The following CHRNA4 variants were observed in gnomAD, a reference collection of about 807,000 sequenced individuals.
CHRNA4 encodes cholinergic receptor nicotinic alpha 4 subunit, also known as neuronal acetylcholine receptor subunit alpha-4.
Under a neutral mutation model 48.9 loss-of-function variants are expected in CHRNA4, and 28 were observed. The ratio of observed to expected loss-of-function variants is 0.57; its 90% CI spans 0.42 to 0.79. The LOEUF is 0.79. Ranked by LOEUF, CHRNA4 falls within the 30% of genes least tolerant of loss-of-function variation. The pLI is 0.00. For missense variants in CHRNA4, 859 were observed against 898.4 expected (o/e 0.96, Z 0.56); for synonymous variants, 425 against 402.3 (o/e 1.06, Z -0.68).
chr20:63,361,030 G>T, intron 1 of CHRNA4, 60 bp downstream of exon 1: 1 of 1,304,330 alleles, frequency 7.7e-7, no homozygotes, highest in Non-Finnish European at 9.9e-7. Flanking sequence ...TCTGGCTCTG[G>T]GGGTCCCAGG....
At chr20:63,359,298 TG>T in intron 2 of CHRNA4, 1 of 572,344 alleles carries the variant, frequency 1.7e-6, no homozygotes, top group South Asian at 1.9e-5. Flanking sequence ...ACTGAGAACC[TG>T]GCCACTTGGA....
chr20:63,352,211 G>A (rs1601481419), intron 4 of CHRNA4, among the ~76,000 whole-genome samples: 1 of 152,162 alleles, frequency 6.6e-6, no homozygotes, highest in Non-Finnish European at 1.5e-5. Context: ...CCAGGTACTT[G>A]GGCAGAGCTG....
chr20:63,353,689 A>G lies in CHRNA4; in HGVS notation c.383+2286T>C, dbSNP rs549658195. On this transcript the variant is annotated intron_variant, in intron 4 of 5. Coordinates refer to ENST00000370263, the MANE Select transcript of CHRNA4 (RefSeq NM_000744.7). ...GTCCTGGGAGGGCTGCAGTCCTAGG[A>G]GGCTGTGGTCCTGGGGGGGCTGCGG... is the stretch of plus-strand genomic sequence containing the variant. Among the ~76,000 whole-genome samples the G allele has an allele frequency of 2.2e-3, 26 of 12,006 alleles. 1 individual carries two copies. Among genetic ancestry groups the G allele is most frequent in the Admixed American group, 3.1e-3 (2 of 640 alleles). The allele number at this position is 12,006 out of a possible 152,430, so 7.9% of individuals were successfully genotyped here.
At chr20:63,359,259 C>T (rs1423761615) in intron 2 of CHRNA4, 1 of 468,806 alleles carries the variant, frequency 2.1e-6, no homozygotes, top group East Asian at 4.2e-5. Context: ...CTTTGCTGTT[C>T]TTTGCTTCCG....
Position 63,361,097 on chromosome 20 carries a change from G to A in CHRNA4, c.69C>T (p.Leu23=). The change falls in exon 1 of 6, where the codon CTC becomes CTT. Residue 23 remains leucine, a synonymous_variant. Coordinates refer to ENST00000370263, the MANE Select transcript of CHRNA4 (RefSeq NM_000744.7). ...PPLLLLLGTG[L]LRASSHVETR... ...CCGCGCCCCGTAACTTACCGCGCAG[G>A]AGGCCGGTCCCCAGAAGCAGCAGCA... 6.8e-7 allele frequency: 1 copy of A among 1,468,236 alleles called. No individual in the cohort carries two copies. The highest frequency in any genetic ancestry group is 1.3e-5 in the South Asian group (1 of 76,928). 91.0% of individuals were successfully genotyped at this position (1,468,236 alleles called of 1,614,324 possible).
In CHRNA4 at chr20:63,349,842, T is replaced by A. The variant is rs2123470099; in HGVS notation, c.1569A>T (p.Pro523=). The A allele has an allele frequency of 5.0e-6, 8 of 1,595,268 alleles. No homozygotes were observed. The highest frequency in any genetic ancestry group is 6.9e-6 in the Non-Finnish European group (8 of 1,167,494). Residue 523 remains proline, a synonymous_variant, in exon 5 of 6, where the codon CCA becomes CCT. Coordinates refer to ENST00000370263, the MANE Select transcript of CHRNA4 (RefSeq NM_000744.7). The part of the protein sequence containing the change: ...RNTHSAELPP[P]DQPSPCKCTC... ...TGCATTTGCACGGAGAGGGCTGGTC[T>A]GGGGGTGGGAGCTCAGCCGAGTGGG...
intron 4 of CHRNA4, chr20:63,354,558 G>C: frequency 2.2e-6 from 2 of 909,196 alleles, no homozygotes; most frequent in Non-Finnish European, 2.6e-6. Context: ...GTCTTTGGAG[G>C]GCCGTGGTCC....
Position 63,359,367 on chromosome 20 carries a change from A to C in CHRNA4, c.228+181T>G, listed in dbSNP as rs2068765760. 1.7e-5 allele frequency: 13 copies of C among 772,194 alleles called. No individual in the cohort carries two copies. In the South Asian group the frequency reaches 2.1e-4, roughly 12 times the overall value. The allele number at this position is 772,194 out of a possible 1,614,324, so 47.8% of individuals were successfully genotyped here. On this transcript the variant is annotated intron_variant, in intron 2 of 5. Transcript: ENST00000370263. Reference sequence around the variant, plus strand: ...GGCCTGGCTGGGACGCTCTGAATCAACCCTTGGCTGGGGCTCAGGCGGGGC... The same window carrying C: ...GGCCTGGCTGGGACGCTCTGAATCACCCCTTGGCTGGGGCTCAGGCGGGGC...
Position 63,343,746 on chromosome 20 carries a change from C to T in CHRNA4, c.*2992G>A, listed in dbSNP as rs577409511. ...GAGGGGGCAGGATGGCGCAAGCAGC[C>T]GCAGAGGGGCCGGCGCCCCGGCAGG... On this transcript the variant is annotated 3_prime_UTR_variant, in exon 6 of 6. Transcript: ENST00000370263. The T allele has an allele frequency of 7.5e-5, 34 of 452,586 alleles. No individual in the cohort carries two copies. The highest frequency in any genetic ancestry group is 4.5e-4 in the Admixed American group (19 of 42,534). The allele number at this position is 452,586 out of a possible 1,614,324, so 28.0% of individuals were successfully genotyped here.
At position 63,345,345 on chromosome 20, in the gene CHRNA4, T is replaced by C. The variant is rs1325072982; in HGVS notation, c.*1393A>G. The C allele has an allele frequency of 4.4e-6, 2 of 449,986 alleles. No homozygotes were observed. Among genetic ancestry groups the C allele is most frequent in the East Asian group, 1.4e-4 (2 of 14,256 alleles). 27.9% of individuals were successfully genotyped at this position (449,986 alleles called of 1,614,324 possible). ...CTGTCTCCTCCTGAACCGATGTCAC[T>C]CACAGGCAGGGGACACGCCATCCTG... On this transcript the variant is annotated 3_prime_UTR_variant, in exon 6 of 6. Coordinates refer to ENST00000370263, the MANE Select transcript of CHRNA4 (RefSeq NM_000744.7). The surrounding 1 kb of genome is among the most constrained non-coding windows in gnomAD (Gnocchi z 5.4).
intron 4 of CHRNA4, chr20:63,355,235 C>A (rs2068699410): frequency 3.0e-6 from 1 of 337,898 alleles, no homozygotes; most frequent in Non-Finnish European, 5.9e-6. Context: ...GCAGGAAGGA[C>A]AAGTTAGAGG....
chr20:63,355,318 A>G, intron 4 of CHRNA4: 2 of 370,474 alleles, frequency 5.4e-6, no homozygotes, highest in Non-Finnish European at 1.0e-5. Flanking sequence ...CAGGCACAGA[A>G]AACCCGTTTC....
Position 63,350,768 on chromosome 20 carries a change from C to T in CHRNA4, c.643G>A (p.Val215Met), listed in dbSNP as rs918550714. The part of the protein sequence containing the change: ...ESGEWVIVDA[V>M]GTYNTRKYEC... ...TACTTCCTGGTGTTGTAGGTGCCCACGGCATCCACGATGACCCACTCGCCA... is the reference window on the plus strand; with the variant it reads ...TACTTCCTGGTGTTGTAGGTGCCCATGGCATCCACGATGACCCACTCGCCA... The change falls in exon 5 of 6, where the codon GTG becomes ATG. Residue 215 changes from valine to methionine, a missense_variant. Around this residue, in one of 3 missense-constraint regions of CHRNA4, gnomAD observed 342 missense variants for 365.3 expected, o/e 0.94. Coordinates refer to ENST00000370263, the MANE Select transcript of CHRNA4 (RefSeq NM_000744.7). The T allele has an allele frequency of 5.0e-6, 8 of 1,613,552 alleles. No individual in the cohort carries two copies. The highest frequency in any genetic ancestry group is 2.7e-5 in the African/African-American group (2 of 74,906).
intron 4 of CHRNA4, among the ~76,000 whole-genome samples, chr20:63,352,444 G>C (rs992018798): frequency 6.6e-6 from 1 of 152,128 alleles, no homozygotes; most frequent in Non-Finnish European, 1.5e-5. Context: ...CTGGGCTGCC[G>C]CTCAGCTGCA....
rs201606666 is a variant in CHRNA4, at chr20:63,343,902, C to T, written c.*2836G>A. The stretch of plus-strand genomic sequence containing the variant: ...CAAGGTGGGTTCTAGGCAAGCTGTC[C>T]ACCCCCGGGAACTAACTGGCCCTAG... On this transcript the variant is annotated 3_prime_UTR_variant, in exon 6 of 6. Coordinates refer to ENST00000370263, the MANE Select transcript of CHRNA4 (RefSeq NM_000744.7). 10 of 454,034 alleles carry T rather than the reference C, an allele frequency of 2.2e-5. No homozygotes were observed. In the East Asian group the frequency reaches 4.9e-4, roughly 22 times the overall value. The allele number at this position is 454,034 out of a possible 1,614,324, so 28.1% of individuals were successfully genotyped here.
Position 63,361,145 on chromosome 20 carries a change from T to G in CHRNA4, c.21A>C (p.Gly7=), listed in dbSNP as rs1406609330. 1 of 1,478,764 alleles carries G rather than the reference T, an allele frequency of 6.8e-7. No homozygotes were observed. Among genetic ancestry groups the G allele is most frequent in the African/African-American group, 1.5e-5 (1 of 68,202 alleles). The allele number at this position is 1,478,764 out of a possible 1,614,324, so 91.6% of individuals were successfully genotyped here. MELGGP[G]APRLLPPLLL... is the part of the protein sequence containing the mutation. ...GCAGCGGCGGCAGCAGCCGCGGCGC[T>G]CCGGGGCCCCCTAGCTCCATGGCGC... The change falls in exon 1 of 6, where the codon GGA becomes GGC. Residue 7 remains glycine (G), a synonymous_variant. Transcript: ENST00000370263.
At chr20:63,348,258 T>C (rs1281963336) in intron 5 of CHRNA4, among the ~76,000 whole-genome samples, 3 of 152,160 alleles carry the variant, frequency 2.0e-5, no homozygotes, top group African/African-American at 7.2e-5. Context: ...ACCGCTTTGA[T>C]CAAACACCTA....
In CHRNA4 at chr20:63,346,023, C is replaced by A; in HGVS notation, c.*715G>T. ...GGGTGTTCCTGTCCCCCGCGGAGGG[C>A]CTGCGCAGGGGAGAGCTGGTCCCGC... On this transcript the variant is annotated 3_prime_UTR_variant, in exon 6 of 6. Coordinates refer to ENST00000370263, the MANE Select transcript of CHRNA4 (RefSeq NM_000744.7). The A allele has an allele frequency of 2.2e-6, 1 of 454,046 alleles. No homozygotes were observed. Among genetic ancestry groups the A allele is most frequent in the Non-Finnish European group, 4.4e-6 (1 of 226,738 alleles). The allele number at this position is 454,046 out of a possible 1,614,324, so 28.1% of individuals were successfully genotyped here. A position where few individuals can be genotyped will look rare whatever the true frequency, so the allele number is the denominator to read the frequency against.
In CHRNA4 at chr20:63,345,745, A is replaced by G. The variant is rs749474686; in HGVS notation, c.*993T>C. 1.8e-5 allele frequency: 8 copies of G among 447,794 alleles called. No homozygotes were observed. The highest frequency in any genetic ancestry group is 1.2e-4 in the South Asian group (8 of 64,364). 27.7% of individuals were successfully genotyped at this position (447,794 alleles called of 1,614,324 possible). On this transcript the variant is annotated 3_prime_UTR_variant, in exon 6 of 6. Transcript: ENST00000370263. The surrounding 1 kb of genome is among the most constrained non-coding windows in gnomAD (Gnocchi z 5.4). ...GCTCCCCACAGCTACTGTAGCAGGAAGTCCTTCTTCCCGAACCCAGAGCCC... is the reference window on the plus strand; with the variant it reads ...GCTCCCCACAGCTACTGTAGCAGGAGGTCCTTCTTCCCGAACCCAGAGCCC...
Sources: gnomAD v4.1 joint callset for allele counts (sites outside exome capture counted in the v4.1 genomes callset) on GRCh38, gnomAD v4.1.1 for gene constraint, gnomAD v4.1.1 regional missense constraint, Gnocchi (gnomAD v3.1) non-coding constraint, MANE v1.5 for transcripts, NCBI Gene and HGNC (gene_info 2026-07-23, HGNC 2026-07-21) for gene names.